Variants in ARHGAP12 observed in about 807,000 individuals in gnomAD.
ARHGAP12 encodes Rho GTPase activating protein 12.
In ARHGAP12, 64 loss-of-function variants were observed where a neutral mutation model predicts 108.6. That is an observed-to-expected ratio of 0.59 (90% CI 0.48 to 0.73). ARHGAP12 has a LOEUF of 0.73. Ranked by LOEUF, ARHGAP12 falls within the 30% of genes least tolerant of loss-of-function variation. ARHGAP12 has a pLI of 0.00. For missense variants in ARHGAP12, 940 were observed against 1,005.9 expected (o/e 0.93, Z 0.89); for synonymous variants, 312 against 337.2 (o/e 0.93, Z 0.82).
intron 3 of ARHGAP12, among the ~76,000 whole-genome samples, chr10:31,896,793 C>T (rs919871275): frequency 6.6e-6 from 1 of 152,272 alleles, no homozygotes. Flanking sequence ...AGTCATCATT[C>T]TCATCCTAAC....
chr10:31,807,806 C>T lies in ARHGAP12; in HGVS notation c.2393G>A (p.Arg798Gln), dbSNP rs998892661. The change falls in exon 20 of 20, where the codon CGA becomes CAA. Residue 798 changes from arginine (R) to glutamine (Q), a missense_variant. Physicochemically the swap from Arg to Gln is conservative, Grantham distance 43. Transcript: ENST00000344936. ...RRVIENGEKN[R>Q]MTYQSIAIVF... ...AATTGCTATACTCTGATAGGTCATT[C>T]GATTTTTCTCTCCATTTTCTATAAC... 8 of 1,526,098 alleles carry T rather than the reference C, an allele frequency of 5.2e-6. No individual in the cohort carries two copies. Among genetic ancestry groups the T allele is most frequent in the Non-Finnish European group, 6.1e-6 (7 of 1,138,986 alleles). 94.5% of individuals were successfully genotyped at this position (1,526,098 alleles called of 1,614,324 possible).
intron 12 of ARHGAP12, among the ~76,000 whole-genome samples, chr10:31,819,571 C>G (rs1010155166): frequency 6.6e-6 from 1 of 152,192 alleles, no homozygotes; most frequent in Non-Finnish European, 1.5e-5. Context: ...ACTTCCAAAT[C>G]TAGGCCCTGA....
intron 3 of ARHGAP12, among the ~76,000 whole-genome samples, chr10:31,872,001 TCATAGTACTTACGACACTAAACTCTAATC>T (rs1172515623): frequency 6.6e-6 from 1 of 152,216 alleles, no homozygotes; most frequent in African/African-American, 2.4e-5. Context: ...CTACAGCTCA[TCATAGTACTTACGACACTAAACTCTAATC>T]CCAGATTTAC....
In ARHGAP12 at chr10:31,908,508, G is replaced by A. The variant is rs370693835; in HGVS notation, c.348C>T (p.Phe116=). The change falls in exon 3 of 20, where the codon TTC becomes TTT. Residue 116 remains phenylalanine (F), a synonymous_variant. Coordinates refer to ENST00000344936, the MANE Select transcript of ARHGAP12 (RefSeq NM_018287.7). Reference sequence around the variant, plus strand: ...CTTGAACAGATGACGATGGCTTTCCGAAACTTGAAAGCTCAGGCAATTTGT... The same window carrying A: ...CTTGAACAGATGACGATGGCTTTCCAAAACTTGAAAGCTCAGGCAATTTGT... ...NVNKLPELSS[F]GKPSSSVQGT... 3.7e-5 allele frequency: 59 copies of A among 1,614,064 alleles called. No homozygotes were observed. The highest frequency in any genetic ancestry group is 8.9e-5 in the East Asian group (4 of 44,904).
chr10:31,908,569 T>C lies in ARHGAP12; in HGVS notation c.287A>G (p.Gln96Arg). The change falls in exon 3 of 20, where the codon CAG (glutamine) becomes CGG (arginine). Residue 96 changes from glutamine to arginine, a missense_variant. Physicochemically the swap from Gln to Arg is conservative, Grantham distance 43. Coordinates refer to ENST00000344936, the MANE Select transcript of ARHGAP12 (RefSeq NM_018287.7). ...TGTTGATCTCTGAAGATGCAAACTC[T>C]GCATTATTTTCGTGGAGTTATTTGG... ...GLPNNSTKIM[Q>R]SLHLQRSTEN... The C allele has an allele frequency of 6.2e-7, 1 of 1,614,232 alleles. No homozygotes were observed. The highest frequency in any genetic ancestry group is 8.5e-7 in the Non-Finnish European group (1 of 1,180,038).
rs1840185616 is a variant in ARHGAP12, at chr10:31,928,778, A to ACGGCCG, written c.-212_-207dup. On this transcript the variant is annotated 5_prime_UTR_variant, in exon 1 of 20. Transcript: ENST00000344936. ...GAGCCCGAAGAGCGTTCACACGGCT[A>ACGGCCG]CGGCCGCGGCCGGCCCGTCCCCGCA... 1 of 151,718 alleles carries ACGGCCG rather than the reference A, an allele frequency of 6.6e-6. No homozygotes were observed. 9.4% of individuals were successfully genotyped at this position (151,718 alleles called of 1,614,324 possible).
intron 9 of ARHGAP12, among the ~76,000 whole-genome samples, chr10:31,832,026 G>A (rs909644257): frequency 2.6e-5 from 4 of 152,042 alleles, no homozygotes; most frequent in African/African-American, 9.7e-5. Flanking sequence ...TTCTCCTTAA[G>A]TCACAGCAGC....
rs373068803 is a variant in ARHGAP12 at position 31,914,728 on chromosome 10, TGGAA to T, written c.-110-4169_-110-4166del. On this transcript the variant is annotated intron_variant, in intron 1 of 19. Transcript: ENST00000344936. ...AGTATTGCCATAATGGAAAACAATA[TGGAA>T]GTTCCTCAAAACATTAAAAATGGAA... is the stretch of plus-strand genomic sequence containing the variant. Among the ~76,000 whole-genome samples, 66 of 152,326 alleles carry T rather than the reference TGGAA, an allele frequency of 4.3e-4. 2 individuals are homozygous for T. In the South Asian group the frequency reaches 0.012, roughly 28 times the overall value.
intron 11 of ARHGAP12, 55 bp downstream of exon 11, chr10:31,826,249 G>T: frequency 7.2e-7 from 1 of 1,391,772 alleles, no homozygotes; most frequent in Non-Finnish European, 1.0e-6. Context: ...ATTCAGGTAC[G>T]ATACTATTCA....
intron 3 of ARHGAP12, among the ~76,000 whole-genome samples, chr10:31,879,781 C>A (rs1309422833): frequency 6.6e-6 from 1 of 152,182 alleles, no homozygotes; most frequent in Non-Finnish European, 1.5e-5. Context: ...AATTCCATAA[C>A]TAATACCATC....
chr10:31,898,139 G>A (rs1199289323), intron 3 of ARHGAP12, among the ~76,000 whole-genome samples: 1 of 152,046 alleles, frequency 6.6e-6, no homozygotes, highest in African/African-American at 2.4e-5. Flanking sequence ...CTACAGAATG[G>A]GAGAGGGGAG....
At chr10:31,890,863 C>T (rs897396348) in intron 3 of ARHGAP12, among the ~76,000 whole-genome samples, 1 of 152,132 alleles carries the variant, frequency 6.6e-6, no homozygotes, top group African/African-American at 2.4e-5. Flanking sequence ...ATTCCTCAAG[C>T]ACTCTTCTTA....
chr10:31,841,728 T>C (rs1027571823), intron 7 of ARHGAP12, among the ~76,000 whole-genome samples: 2 of 152,188 alleles, frequency 1.3e-5, no homozygotes, highest in Non-Finnish European at 2.9e-5. Flanking sequence ...CAATTAATGG[T>C]ATTTTCAACT....
At chr10:31,862,973 A>G (rs1837186182) in intron 3 of ARHGAP12, among the ~76,000 whole-genome samples, 1 of 152,258 alleles carries the variant, frequency 6.6e-6, no homozygotes, top group African/African-American at 2.4e-5. Flanking sequence ...TATTGAAATT[A>G]AAGTGCTTTA....
chr10:31,861,383 AATTACTC>A lies in ARHGAP12; in HGVS notation c.948+5_948+11del. Reference sequence around the variant, plus strand: ...TCTGGTAACTTGCAGTTGATTCCTTAATTACTCATACCTCTTGATCCCCTGGATTTTG... The same window carrying A: ...TCTGGTAACTTGCAGTTGATTCCTTAATACCTCTTGATCCCCTGGATTTTG... On this transcript the variant is annotated splice_donor_5th_base_variant and intron_variant, in intron 4 of 19. Coordinates refer to ENST00000344936, the MANE Select transcript of ARHGAP12 (RefSeq NM_018287.7). 1 of 1,587,604 alleles carries A rather than the reference AATTACTC, an allele frequency of 6.3e-7. No homozygotes were observed. The highest frequency in any genetic ancestry group is 8.5e-7 in the Non-Finnish European group (1 of 1,171,326).
chr10:31,861,870 A>C (rs1444654365), intron 3 of ARHGAP12, among the ~76,000 whole-genome samples: 1 of 152,234 alleles, frequency 6.6e-6, no homozygotes, highest in African/African-American at 2.4e-5. Flanking sequence ...CAAAGTATGC[A>C]TAATACTTTC....
rs2799002 is a variant in ARHGAP12, at chr10:31,806,738, T to C, written c.*920A>G. On this transcript the variant is annotated 3_prime_UTR_variant, in exon 20 of 20. Coordinates refer to ENST00000344936, the MANE Select transcript of ARHGAP12 (RefSeq NM_018287.7). ...CAGTTAACTTTCCCAAATAACGGAC[T>C]ATTTCTGGAGGAAACCTAATATTCA... 28,712 of 152,538 alleles carry C rather than the reference T, an allele frequency of 0.19. 3,157 individuals are homozygous for C. The highest frequency in any genetic ancestry group is 0.38 in the East Asian group (1,975 of 5,170). The allele number at this position is 152,538 out of a possible 1,614,324, so 9.4% of individuals were successfully genotyped here.
At chr10:31,832,472 A>G (rs1017665610) in intron 9 of ARHGAP12, among the ~76,000 whole-genome samples, 1 of 152,232 alleles carries the variant, frequency 6.6e-6, no homozygotes, top group African/African-American at 2.4e-5. Context: ...CCACTGCACT[A>G]AAGTTAATGT....
intron 15 of ARHGAP12, among the ~76,000 whole-genome samples, chr10:31,811,144 G>A (rs1835000973): frequency 6.6e-6 from 1 of 152,130 alleles, no homozygotes; most frequent in East Asian, 1.9e-4. Context: ...CACAGCATTT[G>A]TTACTATTTC....
Sources: gnomAD v4.1 joint callset for allele counts (sites outside exome capture counted in the v4.1 genomes callset) on GRCh38, gnomAD v4.1.1 for gene constraint, MANE v1.5 for transcripts, NCBI Gene and HGNC (gene_info 2026-07-23, HGNC 2026-07-21) for gene names.